Variants in MLLT10 observed in about 807,000 individuals in gnomAD.
The protein encoded by MLLT10 is protein AF-10.
A neutral mutation model predicts 129.1 loss-of-function variants in MLLT10; 30 were observed. That is an observed-to-expected ratio of 0.23 (90% CI 0.17 to 0.32). The LOEUF (loss-of-function observed/expected upper bound fraction) is 0.32, where lower values mean the gene tolerates loss of function less well. MLLT10 is among the 10% of genes least tolerant of loss of function. MLLT10 has a pLI of 1.00. For missense variants in MLLT10, 1,119 were observed against 1,268.3 expected, an observed-to-expected ratio of 0.88 and a Z score of 1.79; for synonymous variants, 490 against 446.4, an observed-to-expected ratio of 1.10 and a Z score of -1.23.
chr10:21,688,612 C>A, intron 13 of MLLT10: 1 of 1,302,902 alleles, frequency 7.7e-7, no homozygotes, highest in Non-Finnish European at 1.1e-6. Flanking sequence ...GGAAACCTTC[C>A]CATACAAACC....
chr10:21,534,609 A>C, intron 1 of MLLT10, 36 bp from the exon 2 acceptor site: 1 of 1,591,270 alleles, frequency 6.3e-7, no homozygotes, highest in Non-Finnish European at 8.6e-7. Flanking sequence ...ATCGGCTTGC[A>C]TGTGTTTTTT....
chr10:21,655,744 T>C (rs947064453), intron 9 of MLLT10, among the ~76,000 whole-genome samples: 2 of 152,200 alleles, frequency 1.3e-5, no homozygotes, highest in African/African-American at 4.8e-5. Flanking sequence ...CTCATCTCCA[T>C]ACCCAGTGAT....
chr10:21,618,972 C>T (rs996211722), intron 8 of MLLT10, among the ~76,000 whole-genome samples: 5 of 150,780 alleles, frequency 3.3e-5, no homozygotes, highest in African/African-American at 7.3e-5. Context: ...TGGTCTCATG[C>T]GATTCGGCCT....
At chr10:21,734,370 GTC>G (rs1301312977) in intron 20 of MLLT10, among the ~76,000 whole-genome samples, 2 of 152,186 alleles carry the variant, frequency 1.3e-5, no homozygotes, top group Non-Finnish European at 1.5e-5. Flanking sequence ...AATCTGTGAT[GTC>G]TGTTTTTAAA....
At chr10:21,553,846 C>T (rs1165925410) in intron 3 of MLLT10, among the ~76,000 whole-genome samples, 5 of 152,032 alleles carry the variant, frequency 3.3e-5, no homozygotes, top group Non-Finnish European at 5.9e-5. Flanking sequence ...GATGAGGTTT[C>T]ACCATGTTGG....
intron 13 of MLLT10, chr10:21,688,522 A>C: frequency 6.2e-7 from 1 of 1,612,934 alleles, no homozygotes; most frequent in Non-Finnish European, 8.5e-7. Flanking sequence ...TAACAAAGCA[A>C]GAACTTAAAT....
chr10:21,591,222 A>G (rs2131113370), intron 4 of MLLT10, among the ~76,000 whole-genome samples: 1 of 152,112 alleles, frequency 6.6e-6, no homozygotes, highest in African/African-American at 2.4e-5. Flanking sequence ...TTATCCGGCT[A>G]ATGTTTTTGT....
At chr10:21,740,437 T>C (rs1282455348) in intron 22 of MLLT10, among the ~76,000 whole-genome samples, 1 of 152,202 alleles carries the variant, frequency 6.6e-6, no homozygotes, top group African/African-American at 2.4e-5. Context: ...GCACATTAGG[T>C]TTGAAGGCTG....
intron 4 of MLLT10, among the ~76,000 whole-genome samples, chr10:21,588,108 C>T (rs564460475): frequency 1.3e-5 from 2 of 152,000 alleles, no homozygotes; most frequent in Non-Finnish European, 2.9e-5. Flanking sequence ...GCTCATTTGC[C>T]CAGGCTGGAG....
rs181192785 is a variant in MLLT10, at chr10:21,543,590, T to C, written c.240+4678T>C. Among the ~76,000 whole-genome samples the C allele has an allele frequency of 5.0e-3, 764 of 152,302 alleles. 9 individuals are homozygous for C. The highest frequency in any genetic ancestry group is 0.018 in the African/African-American group (730 of 41,564). Reference sequence around the variant, plus strand: ...GCCTCCCGGGTTCAAGCGATTCTCCTGCCTCAGCCTCCGGAGTAGCTGGGA... The same window carrying C: ...GCCTCCCGGGTTCAAGCGATTCTCCCGCCTCAGCCTCCGGAGTAGCTGGGA... On this transcript the variant is annotated intron_variant, in intron 3 of 22. Transcript: ENST00000307729.
intron 3 of MLLT10, among the ~76,000 whole-genome samples, chr10:21,577,764 C>T (rs569516923): frequency 3.2e-4 from 48 of 152,178 alleles, no homozygotes; most frequent in African/African-American, 1.1e-3. Flanking sequence ...AGCCACCGCA[C>T]CCAGCCTATA....
At position 21,733,589 on chromosome 10, in the gene MLLT10, T is replaced by C; in HGVS notation, c.2493T>C (p.Asn831=). 6.4e-7 allele frequency: 1 copy of C among 1,550,838 alleles called. No individual in the cohort carries two copies. Among genetic ancestry groups the C allele is most frequent in the Non-Finnish European group, 8.7e-7 (1 of 1,150,610 alleles). ...FLPDNSLPVL[N]QDLTSSGQST... The stretch of plus-strand genomic sequence containing the variant: ...CTGATAATTCTCTTCCTGTATTAAA[T>C]CAGGTAATTTTTGTATGGTTATTTT... The change falls in exon 19 of 23, where the codon AAT becomes AAC. Residue 831 remains asparagine, a synonymous_variant. Transcript: ENST00000307729.
chr10:21,605,912 G>A (rs1278658259), intron 5 of MLLT10, among the ~76,000 whole-genome samples: 2 of 151,992 alleles, frequency 1.3e-5, no homozygotes, highest in Non-Finnish European at 2.9e-5. Context: ...TACTTCACAG[G>A]AAATTGCATG....
intron 13 of MLLT10, among the ~76,000 whole-genome samples, chr10:21,711,730 G>T (rs1325041609): frequency 6.6e-6 from 1 of 152,166 alleles, no homozygotes; most frequent in African/African-American, 2.4e-5. Context: ...AGGTGAGAGA[G>T]ACTCTGTCTC....
At chr10:21,716,187 A>T (rs947827985) in intron 14 of MLLT10, among the ~76,000 whole-genome samples, 17 of 152,362 alleles carry the variant, frequency 1.1e-4, no homozygotes, top group African/African-American at 4.1e-4. Flanking sequence ...GGACTCTTAA[A>T]ATTGGGGATG....
chr10:21,645,645 C>T (rs187392042), intron 8 of MLLT10, among the ~76,000 whole-genome samples: 6 of 152,270 alleles, frequency 3.9e-5, no homozygotes, highest in Middle Eastern at 3.4e-3. Context: ...ATAATTTACT[C>T]TAGAGTTTTC....
chr10:21,741,525 A>ATT (rs540694250), intron 22 of MLLT10, among the ~76,000 whole-genome samples: 1 of 151,984 alleles, frequency 6.6e-6, no homozygotes, highest in South Asian at 2.1e-4. Flanking sequence ...CTGTAACTCC[A>ATT]TTTTTTTTAT....
intron 7 of MLLT10, among the ~76,000 whole-genome samples, chr10:21,616,088 G>T (rs1481740498): frequency 6.6e-6 from 1 of 151,944 alleles, no homozygotes; most frequent in Non-Finnish European, 1.5e-5. Context: ...TTTGGTTCTT[G>T]TATACGAATT....
At chr10:21,714,385 G>C (rs765453666) in intron 14 of MLLT10, among the ~76,000 whole-genome samples, 28 of 152,090 alleles carry the variant, frequency 1.8e-4, no homozygotes, top group Admixed American at 5.2e-4. Flanking sequence ...TTAAAAGACC[G>C]AATGACCGCT....
Sources: gnomAD v4.1 joint callset for allele counts (sites outside exome capture counted in the v4.1 genomes callset) on GRCh38, gnomAD v4.1.1 for gene constraint, MANE v1.5 for transcripts, NCBI Gene and HGNC (gene_info 2026-07-23, HGNC 2026-07-21) for gene names.